The following ARHGAP6 variants were observed in gnomAD, a reference collection of about 807,000 sequenced individuals.
The protein encoded by ARHGAP6 is Rho GTPase activating protein 6.
In ARHGAP6, 16 loss-of-function variants were observed where a neutral mutation model predicts 55.7. The observed-to-expected ratio is 0.29, with a 90% confidence interval of 0.19 to 0.44. ARHGAP6 has a LOEUF of 0.44. ARHGAP6 is among the 20% of genes least tolerant of loss of function. The pLI, the probability that ARHGAP6 is intolerant of heterozygous loss-of-function variation, is 1.00. For missense variants in ARHGAP6, 698 were observed against 808.9 expected (o/e 0.86, Z 1.66); for synonymous variants, 382 against 360.9 (o/e 1.06, Z -0.66).
At chrX:11,560,785 T>C (rs1285976382) in intron 1 of ARHGAP6, among the ~76,000 whole-genome samples, 1 of 112,683 alleles carries the variant, frequency 8.9e-6, no homozygotes, top group Admixed American at 9.4e-5. Flanking sequence ...GCATTTTCTA[T>C]TTTCCATACC....
At chrX:11,144,598 C>T (rs1434615485) in intron 10 of ARHGAP6, among the ~76,000 whole-genome samples, 3 of 112,559 alleles carry the variant, frequency 2.7e-5, no homozygotes, top group Non-Finnish European at 5.6e-5. Context: ...GTCTGATGCT[C>T]ACTATCTATT....
At chrX:11,232,272 G>A (rs887451802) in intron 2 of ARHGAP6, among the ~76,000 whole-genome samples, 2 of 111,525 alleles carry the variant, frequency 1.8e-5, no homozygotes, top group Non-Finnish European at 3.8e-5. Context: ...GGTAACCACC[G>A]TTCTACTCAC....
At chrX:11,396,766 C>CT (rs34724861) in intron 1 of ARHGAP6, among the ~76,000 whole-genome samples, 1 of 110,217 alleles carries the variant, frequency 9.1e-6, no homozygotes, top group Non-Finnish European at 1.9e-5. Context: ...TAAGCTCAGA[C>CT]TTTTTTTTAA....
chrX:11,456,649 C>A (rs2050196491), intron 1 of ARHGAP6, among the ~76,000 whole-genome samples: 1 of 111,618 alleles, frequency 9.0e-6, no homozygotes, highest in Non-Finnish European at 1.9e-5. Flanking sequence ...CAACCCTTCT[C>A]TGCATACCAC....
intron 5 of ARHGAP6, among the ~76,000 whole-genome samples, chrX:11,182,434 A>G (rs2147336700): frequency 9.0e-6 from 1 of 111,545 alleles, no homozygotes; most frequent in East Asian, 2.8e-4. Context: ...ACCTAAACAC[A>G]CATTTTATAG....
chrX:11,348,287 G>A (rs186335063), intron 1 of ARHGAP6, among the ~76,000 whole-genome samples: 3 of 112,492 alleles, frequency 2.7e-5, no homozygotes, highest in Non-Finnish European at 5.6e-5. Flanking sequence ...GTTTTGGTTC[G>A]TAGGTCAGCT....
At chrX:11,436,402 T>C (rs1228667938) in intron 1 of ARHGAP6, among the ~76,000 whole-genome samples, 1 of 112,437 alleles carries the variant, frequency 8.9e-6, no homozygotes, top group East Asian at 2.8e-4. Context: ...TGAGGGGATG[T>C]CATACATAAG....
At chrX:11,370,708 C>T (rs891133568) in intron 1 of ARHGAP6, among the ~76,000 whole-genome samples, 6 of 111,785 alleles carry the variant, frequency 5.4e-5, no homozygotes, top group Admixed American at 2.9e-4. Context: ...TCATTGTACA[C>T]TTGCTTAGAC....
intron 1 of ARHGAP6, chrX:11,265,707 G>A (rs972407336): frequency 5.5e-5 from 48 of 876,665 alleles, no homozygotes; most frequent in East Asian, 1.2e-4. Context: ...AATCAGCCGC[G>A]TCTTTGCTGT....
At chrX:11,534,189 C>G (rs142611575) in intron 1 of ARHGAP6, among the ~76,000 whole-genome samples, 2 of 111,504 alleles carry the variant, frequency 1.8e-5, no homozygotes, top group African/African-American at 6.5e-5. Flanking sequence ...GAGATGCTGC[C>G]TACCGCAATA....
chrX:11,538,076 C>T (rs181707892), intron 1 of ARHGAP6, among the ~76,000 whole-genome samples: 1 of 111,740 alleles, frequency 8.9e-6, no homozygotes, highest in Admixed American at 9.5e-5. Context: ...GGCTTTTCTC[C>T]TTGTAAATAT....
At chrX:11,523,263 C>G (rs1258681186) in intron 1 of ARHGAP6, among the ~76,000 whole-genome samples, 1 of 111,008 alleles carries the variant, frequency 9.0e-6, no homozygotes, top group Non-Finnish European at 1.9e-5. Context: ...TTATGACAAA[C>G]CCACAGCCAA....
At chrX:11,661,010 G>C (rs891751661) in intron 1 of ARHGAP6, among the ~76,000 whole-genome samples, 1 of 111,604 alleles carries the variant, frequency 9.0e-6, no homozygotes. Flanking sequence ...TGCATTCCTA[G>C]TACCTACAGA....
At chrX:11,611,590 T>C (rs1420819863) in intron 1 of ARHGAP6, among the ~76,000 whole-genome samples, 1 of 111,762 alleles carries the variant, frequency 8.9e-6, no homozygotes, top group Non-Finnish European at 1.9e-5. Flanking sequence ...TGTCCCTGCC[T>C]AATATTCACT....
chrX:11,404,366 G>A (rs145940650), intron 1 of ARHGAP6, among the ~76,000 whole-genome samples: 1,237 of 111,900 alleles, frequency 0.011, 20 homozygotes, highest in African/African-American at 0.038. Context: ...AGGCAAGCAC[G>A]AGAATCATTA....
At chrX:11,185,246 T>C (rs1230287498) in intron 5 of ARHGAP6, among the ~76,000 whole-genome samples, 1 of 109,909 alleles carries the variant, frequency 9.1e-6, no homozygotes, top group East Asian at 2.8e-4. Flanking sequence ...AAGTGAAAGA[T>C]AAGGTGAAAA....
intron 1 of ARHGAP6, among the ~76,000 whole-genome samples, chrX:11,505,845 T>C (rs1052188507): frequency 9.0e-6 from 1 of 110,679 alleles, no homozygotes; most frequent in Non-Finnish European, 1.9e-5. Context: ...GAGAGCCAAA[T>C]GATGAGAACT....
chrX:11,181,947 G>A (rs2046319144), intron 6 of ARHGAP6, 116 bp downstream of exon 6: 2 of 543,857 alleles, frequency 3.7e-6, no homozygotes, highest in Admixed American at 6.1e-5. Context: ...ATAGCTTGGA[G>A]GGTAAAAAAA....
At chrX:11,303,808 T>C (rs1015450565) in intron 1 of ARHGAP6, among the ~76,000 whole-genome samples, 23 of 111,633 alleles carry the variant, frequency 2.1e-4, no homozygotes, top group African/African-American at 7.2e-4. Flanking sequence ...ATCATGACCA[T>C]TGCCTATCTG....
Sources: allele counts gnomAD v4.1 joint callset (sites outside exome capture counted in the v4.1 genomes callset), GRCh38; gene constraint gnomAD v4.1.1; transcripts MANE v1.5; gene names NCBI Gene and HGNC (gene_info 2026-07-23, HGNC 2026-07-21).